The following PPP2R2C variants were observed in gnomAD, a reference collection of about 807,000 sequenced individuals.
PPP2R2C encodes the protein protein phosphatase 2, regulatory subunit B, gamma.
A neutral mutation model predicts 45.3 loss-of-function variants in PPP2R2C; 10 were observed. The observed-to-expected ratio is 0.22, with a 90% CI of 0.14 to 0.37. The LOEUF (loss-of-function observed/expected upper bound fraction) is 0.37, where lower values mean the gene tolerates loss of function less well. PPP2R2C is among the 10% of genes least tolerant of loss of function. The pLI, the probability that PPP2R2C is intolerant of heterozygous loss-of-function variation, is 1.00. For missense variants in PPP2R2C, 308 were observed against 619.7 expected (o/e 0.50, Z 5.34); for synonymous variants, 257 against 245.4 (o/e 1.05, Z -0.44).
At chr4:6,543,036 G>A (rs145267623) in intron 1 of PPP2R2C, among the ~76,000 whole-genome samples, 2 of 151,128 alleles carry the variant, frequency 1.3e-5, no homozygotes, top group African/African-American at 2.4e-5. Flanking sequence ...GACTCAGAGA[G>A]GGGCCACCCA....
chr4:6,530,808 C>G (rs1043611687), intron 2 of PPP2R2C, among the ~76,000 whole-genome samples: 3 of 152,234 alleles, frequency 2.0e-5, no homozygotes, highest in African/African-American at 2.4e-5. Context: ...GCCATCCCAA[C>G]TAAACCTCAA....
At chr4:6,523,762 C>T (rs1460608806) in intron 2 of PPP2R2C, among the ~76,000 whole-genome samples, 8 of 152,180 alleles carry the variant, frequency 5.3e-5, no homozygotes, top group Admixed American at 2.6e-4. Flanking sequence ...AACACTGGAA[C>T]GCGAATGTTC....
chr4:6,344,205 T>C (rs1711593483), intron 6 of PPP2R2C, among the ~76,000 whole-genome samples: 1 of 152,190 alleles, frequency 6.6e-6, no homozygotes, highest in Non-Finnish European at 1.5e-5. Context: ...CTCAGTGCAA[T>C]CCGGAGAGGA....
intron 6 of PPP2R2C, among the ~76,000 whole-genome samples, chr4:6,342,595 A>G (rs559170543): frequency 6.6e-6 from 1 of 152,348 alleles, no homozygotes; most frequent in East Asian, 1.9e-4. Flanking sequence ...TCAGGGTCTC[A>G]GCCATCATCA....
chr4:6,424,470 G>A (rs1055967353), intron 1 of PPP2R2C, among the ~76,000 whole-genome samples: 4 of 152,218 alleles, frequency 2.6e-5, no homozygotes, highest in East Asian at 1.9e-4. Context: ...GAGCCATGTC[G>A]GGGCACTGAG....
intron 1 of PPP2R2C, among the ~76,000 whole-genome samples, chr4:6,538,934 A>G (rs535748337): frequency 6.6e-6 from 1 of 152,304 alleles, no homozygotes; most frequent in East Asian, 1.9e-4. Flanking sequence ...TTACACAGTG[A>G]GTGATTTATT....
At chr4:6,547,014 C>A (rs1028521366) in intron 1 of PPP2R2C, among the ~76,000 whole-genome samples, 24 of 152,216 alleles carry the variant, frequency 1.6e-4, no homozygotes, top group Non-Finnish European at 1.9e-4. Flanking sequence ...CAGCGGCTCA[C>A]ATTCACCTGA....
intron 1 of PPP2R2C, among the ~76,000 whole-genome samples, chr4:6,462,574 C>T (rs1222870930): frequency 1.3e-5 from 2 of 152,192 alleles, no homozygotes; most frequent in Non-Finnish European, 2.9e-5. Flanking sequence ...AGACAAGAGA[C>T]AGAACAGCCA....
chr4:6,401,834 G>C (rs752815258), intron 1 of PPP2R2C, among the ~76,000 whole-genome samples: 4 of 152,126 alleles, frequency 2.6e-5, no homozygotes, highest in African/African-American at 4.8e-5. Flanking sequence ...GGTGGGAGAG[G>C]GGGGGTATCT....
At chr4:6,429,009 G>T (rs1405533124) in intron 1 of PPP2R2C, among the ~76,000 whole-genome samples, 1 of 152,220 alleles carries the variant, frequency 6.6e-6, no homozygotes, top group Non-Finnish European at 1.5e-5. Flanking sequence ...AATATTTTAG[G>T]CTTCGTGGGA....
At position 6,365,849 on chromosome 4, in the gene PPP2R2C, C is replaced by T. The variant is rs894493367; in HGVS notation, c.625+6674G>A. On this transcript the variant is annotated intron_variant, in intron 5 of 8. Coordinates refer to ENST00000382599, the MANE Select transcript of PPP2R2C (RefSeq NM_020416.4). ...ATCACTAAGGGAGAGAAAAATCAAT[C>T]GAACCGTCTTTTAAATTCTCTGGGT... Among the ~76,000 whole-genome samples, 65 of 152,180 alleles carry T rather than the reference C, an allele frequency of 4.3e-4. 2 individuals carry two copies. Among genetic ancestry groups the T allele is most frequent in the Non-Finnish European group, 1.5e-4 (10 of 68,030 alleles).
At chr4:6,554,122 A>G (rs73796258) in intron 1 of PPP2R2C, among the ~76,000 whole-genome samples, 3,246 of 152,300 alleles carry the variant, frequency 0.021, 125 homozygotes, top group African/African-American at 0.074. Context: ...CAAACCCACA[A>G]TACCTCAGCA....
chr4:6,375,904 G>C lies in PPP2R2C; in HGVS notation c.362C>G (p.Thr121Ser), dbSNP rs775168990. The C allele has an allele frequency of 1.2e-6, 2 of 1,613,724 alleles. No individual in the cohort carries two copies. Among genetic ancestry groups the C allele is most frequent in the Non-Finnish European group, 1.7e-6 (2 of 1,179,738 alleles). The change falls in exon 4 of 9, where the codon ACC becomes AGC. Residue 121 changes from threonine to serine, a missense_variant. Thr to Ser is a moderately conservative substitution (Grantham distance 58). Coordinates refer to ENST00000382599, the MANE Select transcript of PPP2R2C (RefSeq NM_020416.4). ...NDKTIKLWKI[T>S]ERDKRPEGYN... is the part of the protein sequence containing the mutation. Reference sequence around the variant, plus strand: ...TCCTTCGGGCCTTTTATCTCGTTCGGTAATCTTCCATAATTTGATAGTTTT... The same window carrying C: ...TCCTTCGGGCCTTTTATCTCGTTCGCTAATCTTCCATAATTTGATAGTTTT...
At chr4:6,478,224 T>C (rs1722229531) in intron 2 of PPP2R2C, among the ~76,000 whole-genome samples, 1 of 152,212 alleles carries the variant, frequency 6.6e-6, no homozygotes, top group Admixed American at 6.5e-5. Context: ...GCGGCTAGCA[T>C]TTATTGAATG....
intron 1 of PPP2R2C, among the ~76,000 whole-genome samples, chr4:6,431,588 G>GC (rs961949008): frequency 7.9e-5 from 12 of 152,122 alleles, no homozygotes; most frequent in African/African-American, 2.7e-4. Flanking sequence ...TCGGTCCAGA[G>GC]CCCCCCCTTC....
chr4:6,455,945 C>T (rs1374219125), intron 1 of PPP2R2C, among the ~76,000 whole-genome samples: 1 of 152,130 alleles, frequency 6.6e-6, no homozygotes, highest in Non-Finnish European at 1.5e-5. Context: ...CCCCTCACAC[C>T]GGATCACAGC....
chr4:6,337,181 A>G (rs1441245292), intron 6 of PPP2R2C, among the ~76,000 whole-genome samples: 1 of 94,832 alleles, frequency 1.1e-5, no homozygotes, highest in Non-Finnish European at 2.2e-5. Context: ...TTCTTTGTTA[A>G]GCCAAAGAAG....
chr4:6,441,657 G>A (rs376861692), intron 1 of PPP2R2C, among the ~76,000 whole-genome samples: 20 of 152,290 alleles, frequency 1.3e-4, no homozygotes, highest in South Asian at 2.1e-4. Flanking sequence ...GCCCAGATCC[G>A]AGGCCTCTGC....
intron 6 of PPP2R2C, among the ~76,000 whole-genome samples, chr4:6,343,952 G>A (rs1711571467): frequency 6.6e-6 from 1 of 152,222 alleles, no homozygotes; most frequent in South Asian, 2.1e-4. Flanking sequence ...TAAAACCTTA[G>A]TACATCACAG....
Sources: allele counts gnomAD v4.1 joint callset (sites outside exome capture counted in the v4.1 genomes callset), GRCh38; gene constraint gnomAD v4.1.1; transcripts MANE v1.5; gene names NCBI Gene and HGNC (gene_info 2026-07-23, HGNC 2026-07-21).